Variants in STXBP5L observed in about 807,000 individuals in gnomAD.
STXBP5L encodes the protein syntaxin-binding protein 5-like.
Under a neutral mutation model 144.5 loss-of-function variants are expected in STXBP5L, and 65 were observed. The ratio of observed to expected loss-of-function variants is 0.45; its 90% confidence interval spans 0.37 to 0.55. The LOEUF is 0.55. Ranked by LOEUF, STXBP5L falls within the 20% of genes least tolerant of loss-of-function variation. The probability of loss-of-function intolerance (pLI) is 0.00; values close to 1 mark genes in which losing one functional copy is unlikely to be tolerated. For synonymous variants in STXBP5L, 505 were observed against 469.6 expected (o/e 1.08, Z -0.97); for missense variants, 1,298 against 1,405.5 (o/e 0.92, Z 1.22).
At chr3:121,355,181 C>T (rs1446718851) in intron 20 of STXBP5L, among the ~76,000 whole-genome samples, 3 of 152,144 alleles carry the variant, frequency 2.0e-5, no homozygotes, top group Admixed American at 2.0e-4. Context: ...TTGCTCTTCT[C>T]AAGGAGTATC....
intron 3 of STXBP5L, among the ~76,000 whole-genome samples, chr3:120,965,696 G>A (rs891688362): frequency 3.9e-5 from 6 of 152,072 alleles, no homozygotes; most frequent in African/African-American, 1.4e-4. Flanking sequence ...TTTCTCTCTG[G>A]CTGCCCTTAA....
intron 3 of STXBP5L, among the ~76,000 whole-genome samples, chr3:121,016,872 A>T (rs1168931426): frequency 6.6e-6 from 1 of 152,230 alleles, no homozygotes; most frequent in Admixed American, 6.5e-5. Context: ...GGAAAAAATT[A>T]TATCAGTTCT....
chr3:121,314,377 C>T (rs879274430), intron 19 of STXBP5L, among the ~76,000 whole-genome samples: 176 of 133,350 alleles, frequency 1.3e-3, no homozygotes, highest in South Asian at 4.2e-3. Flanking sequence ...GGATCACTCG[C>T]GGTTAGGAGC....
At chr3:121,197,452 T>C (rs2047965072) in intron 9 of STXBP5L, among the ~76,000 whole-genome samples, 1 of 152,180 alleles carries the variant, frequency 6.6e-6, no homozygotes, top group South Asian at 2.1e-4. Context: ...ACTGATTTTT[T>C]AACATTAAAT....
At chr3:121,094,450 G>A (rs936390928) in intron 5 of STXBP5L, among the ~76,000 whole-genome samples, 7 of 151,970 alleles carry the variant, frequency 4.6e-5, no homozygotes, top group Admixed American at 4.6e-4. Context: ...ATGAGTCTGG[G>A]TGCTCCTGTA....
chr3:120,994,678 G>A (rs1178170786), intron 3 of STXBP5L, among the ~76,000 whole-genome samples: 1 of 151,990 alleles, frequency 6.6e-6, no homozygotes, highest in Admixed American at 6.6e-5. Context: ...GTTTAATTGG[G>A]TTTGCTAGTA....
chr3:121,226,322 G>C (rs1277482958), intron 11 of STXBP5L, among the ~76,000 whole-genome samples: 3 of 152,122 alleles, frequency 2.0e-5, no homozygotes, highest in Non-Finnish European at 2.9e-5. Flanking sequence ...CATGGTAAGG[G>C]GAGGTGAGGA....
At chr3:120,950,128 A>C (rs1711113711) in intron 2 of STXBP5L, among the ~76,000 whole-genome samples, 2 of 152,018 alleles carry the variant, frequency 1.3e-5, no homozygotes, top group African/African-American at 4.8e-5. Context: ...AGATTTCTTT[A>C]TTCTTAGAGT....
At chr3:121,188,104 A>G (rs2047477012) in intron 9 of STXBP5L, among the ~76,000 whole-genome samples, 1 of 152,160 alleles carries the variant, frequency 6.6e-6, no homozygotes, top group African/African-American at 2.4e-5. Flanking sequence ...TTAACACTCT[A>G]CTGTCAGTAA....
intron 20 of STXBP5L, among the ~76,000 whole-genome samples, chr3:121,324,909 G>C (rs1296750218): frequency 6.6e-6 from 1 of 151,940 alleles, no homozygotes. Context: ...GGTCAATAGA[G>C]AATTCAGTGA....
chr3:121,377,723 G>A (rs2046226074), intron 20 of STXBP5L, among the ~76,000 whole-genome samples: 1 of 152,186 alleles, frequency 6.6e-6, no homozygotes, highest in Non-Finnish European at 1.5e-5. Flanking sequence ...ACTGTTGGTG[G>A]GAGTGTAAAT....
chr3:121,177,379 A>G (rs957491433), intron 9 of STXBP5L, among the ~76,000 whole-genome samples: 2 of 152,162 alleles, frequency 1.3e-5, no homozygotes, highest in African/African-American at 4.8e-5. Context: ...GTGAATATCC[A>G]GAAAATGTAA....
chr3:121,251,295 T>C (rs892584185), intron 15 of STXBP5L, among the ~76,000 whole-genome samples: 1 of 152,308 alleles, frequency 6.6e-6, no homozygotes, highest in Non-Finnish European at 1.5e-5. Flanking sequence ...TATACTCATA[T>C]ATACCCTTCA....
chr3:121,205,169 A>G (rs1209127696), intron 9 of STXBP5L, among the ~76,000 whole-genome samples: 1 of 152,192 alleles, frequency 6.6e-6, no homozygotes, highest in African/African-American at 2.4e-5. Flanking sequence ...AGTCTGTTTC[A>G]TGTTGCTGTA....
intron 20 of STXBP5L, among the ~76,000 whole-genome samples, chr3:121,341,504 T>C (rs758537658): frequency 1.3e-4 from 20 of 151,920 alleles, no homozygotes; most frequent in Non-Finnish European, 2.7e-4. Flanking sequence ...GATACAGCAA[T>C]CCCACTACCA....
At chr3:121,395,168 A>G (rs926377074) in intron 22 of STXBP5L, among the ~76,000 whole-genome samples, 4 of 152,328 alleles carry the variant, frequency 2.6e-5, no homozygotes, top group Middle Eastern at 6.8e-3. Flanking sequence ...CAAACATTGA[A>G]AGACTGTCAA....
Position 121,397,661 on chromosome 3 carries a change from A to G in STXBP5L, c.2588-9582A>G, listed in dbSNP as rs151081360. On this transcript the variant is annotated intron_variant, in intron 22 of 26. Transcript: ENST00000471454. ...CCATACCAGGGACATACCCCATTTC[A>G]TGCATTATATGTTGACTTTAAGGGC... Among the ~76,000 whole-genome samples, 164 of 152,270 alleles carry G rather than the reference A, an allele frequency of 1.1e-3. 1 individual carries two copies. The highest frequency in any genetic ancestry group is 3.7e-3 in the African/African-American group (153 of 41,534).
chr3:121,085,233 T>G (rs928149099), intron 5 of STXBP5L, among the ~76,000 whole-genome samples: 2 of 152,228 alleles, frequency 1.3e-5, no homozygotes, highest in Admixed American at 6.5e-5. Context: ...ACATCCCGTT[T>G]GCCAATTTTT....
At chr3:121,354,340 A>C (rs1318376148) in intron 20 of STXBP5L, among the ~76,000 whole-genome samples, 1 of 151,998 alleles carries the variant, frequency 6.6e-6, no homozygotes, top group Admixed American at 6.6e-5. Context: ...ATCTCTAAGG[A>C]CTTGCTTCAT....
Sources: gnomAD v4.1 joint callset for allele counts (sites outside exome capture counted in the v4.1 genomes callset) on GRCh38, gnomAD v4.1.1 for gene constraint, MANE v1.5 for transcripts, NCBI Gene and HGNC (gene_info 2026-07-23, HGNC 2026-07-21) for gene names.